Variants in PEX14 observed in about 807,000 individuals in gnomAD.
PEX14 encodes peroxisomal biogenesis factor 14.
Under a neutral mutation model 49.5 loss-of-function variants are expected in PEX14, and 15 were observed. The observed-to-expected ratio is 0.30, with a 90% CI of 0.20 to 0.47. The LOEUF is 0.47. Among genes scored for constraint, PEX14 ranks in the 20% least tolerant of loss-of-function variants. PEX14 has a pLI of 1.00. For synonymous variants in PEX14, 210 were observed against 212.7 expected, an observed-to-expected ratio of 0.99 and a Z score of 0.11; for missense variants, 398 against 494.8, an observed-to-expected ratio of 0.80 and a Z score of 1.86.
intron 4 of PEX14, among the ~76,000 whole-genome samples, chr1:10,616,627 G>T (rs995336451): frequency 2.0e-5 from 3 of 152,134 alleles, no homozygotes; most frequent in African/African-American, 7.2e-5. Context: ...CAGAGCACCC[G>T]CCACGTGGCC....
chr1:10,475,313 T>C (rs571913463), intron 1 of PEX14, among the ~76,000 whole-genome samples: 1 of 152,154 alleles, frequency 6.6e-6, no homozygotes, highest in African/African-American at 2.4e-5. Flanking sequence ...CCTTGGGAAG[T>C]CCCCAGCCTT....
intron 3 of PEX14, among the ~76,000 whole-genome samples, chr1:10,551,151 A>C (rs1174448000): frequency 6.6e-6 from 1 of 152,204 alleles, no homozygotes; most frequent in Admixed American, 6.5e-5. Context: ...TCTTGCAGCA[A>C]ATACATGGGT....
At chr1:10,615,702 G>A (rs943481392) in intron 4 of PEX14, among the ~76,000 whole-genome samples, 4 of 152,236 alleles carry the variant, frequency 2.6e-5, no homozygotes, top group Non-Finnish European at 5.9e-5. Flanking sequence ...GTTGTTGATG[G>A]CAGCGTGGTG....
intron 5 of PEX14, among the ~76,000 whole-genome samples, chr1:10,619,134 A>G (rs745567506): frequency 6.6e-6 from 1 of 152,024 alleles, no homozygotes; most frequent in African/African-American, 2.4e-5. Context: ...ATTGCTTGCA[A>G]CAGAACTGCA....
intron 2 of PEX14, among the ~76,000 whole-genome samples, chr1:10,527,569 A>G (rs1638526027): frequency 6.6e-6 from 1 of 151,578 alleles, no homozygotes. Flanking sequence ...ATTCTAGGCT[A>G]TGAGTAGTTC....
intron 2 of PEX14, among the ~76,000 whole-genome samples, chr1:10,531,567 C>T (rs779277007): frequency 5.9e-5 from 9 of 152,050 alleles, no homozygotes; most frequent in Non-Finnish European, 1.2e-4. Context: ...AATGGGGTTT[C>T]GGGCCCGTAG....
At chr1:10,505,441 C>T (rs1037820616) in intron 2 of PEX14, among the ~76,000 whole-genome samples, 4 of 152,174 alleles carry the variant, frequency 2.6e-5, no homozygotes, top group Non-Finnish European at 4.4e-5. Flanking sequence ...CGAGACCTGT[C>T]TCAAAAACAA....
chr1:10,478,446 C>T (rs1039236325), intron 1 of PEX14, among the ~76,000 whole-genome samples: 2 of 152,174 alleles, frequency 1.3e-5, no homozygotes, highest in South Asian at 4.1e-4. Flanking sequence ...TTCTAGCTGT[C>T]CTTCATGACT....
intron 4 of PEX14, among the ~76,000 whole-genome samples, chr1:10,604,310 T>A (rs1342616848): frequency 1.3e-5 from 2 of 152,160 alleles, no homozygotes; most frequent in African/African-American, 4.8e-5. Context: ...AGCATATAGA[T>A]GTGAAACTGA....
At chr1:10,480,067 CAGATGTGA>C (rs1641256945) in intron 1 of PEX14, among the ~76,000 whole-genome samples, 1 of 152,098 alleles carries the variant, frequency 6.6e-6, no homozygotes, top group Admixed American at 6.6e-5. Context: ...ACTGAAATCA[CAGATGTGA>C]AGAGCACCTG....
chr1:10,540,275 A>G (rs1638962468), intron 3 of PEX14, among the ~76,000 whole-genome samples: 1 of 152,158 alleles, frequency 6.6e-6, no homozygotes, highest in Non-Finnish European at 1.5e-5. Context: ...TTCAAGGGGG[A>G]GTAAATTCTT....
intron 2 of PEX14, among the ~76,000 whole-genome samples, chr1:10,507,331 A>G (rs1405608784): frequency 7.9e-5 from 12 of 152,258 alleles, no homozygotes; most frequent in Non-Finnish European, 1.6e-4. Context: ...CGCCCGCTGC[A>G]CAAACGTATC....
intron 3 of PEX14, among the ~76,000 whole-genome samples, chr1:10,556,135 T>A (rs1639482418): frequency 6.6e-6 from 1 of 152,004 alleles, no homozygotes; most frequent in Non-Finnish European, 1.5e-5. Flanking sequence ...TTAGCAGGGC[T>A]CCTCCTCTGC....
At chr1:10,570,993 C>T (rs967366797) in intron 3 of PEX14, among the ~76,000 whole-genome samples, 1 of 149,498 alleles carries the variant, frequency 6.7e-6, no homozygotes, top group Non-Finnish European at 1.5e-5. Flanking sequence ...GAAGTACAGG[C>T]ACACGCCACC....
At chr1:10,578,014 C>G (rs759046253) in intron 3 of PEX14, among the ~76,000 whole-genome samples, 1 of 151,862 alleles carries the variant, frequency 6.6e-6, no homozygotes, top group East Asian at 2.0e-4. Context: ...CCATCAGGTG[C>G]TAGCAAATAG....
chr1:10,560,636 G>A (rs1256153764), intron 3 of PEX14, among the ~76,000 whole-genome samples: 1 of 151,174 alleles, frequency 6.6e-6, no homozygotes, highest in East Asian at 1.9e-4. Context: ...CTCCCAAAGT[G>A]TTGGGATCAC....
At chr1:10,625,982 C>T (rs1334878292) in intron 7 of PEX14, among the ~76,000 whole-genome samples, 1 of 152,168 alleles carries the variant, frequency 6.6e-6, no homozygotes, top group Non-Finnish European at 1.5e-5. Context: ...CTTTGGTTAC[C>T]CCATAAACCA....
At chr1:10,480,340 C>T (rs1223145410) in intron 1 of PEX14, among the ~76,000 whole-genome samples, 4 of 150,958 alleles carry the variant, frequency 2.6e-5, no homozygotes, top group African/African-American at 9.7e-5. Flanking sequence ...CTGCCTCAGC[C>T]TCCTGAGTAG....
At chr1:10,615,913 C>T (rs1013723201) in intron 4 of PEX14, among the ~76,000 whole-genome samples, 1 of 152,204 alleles carries the variant, frequency 6.6e-6, no homozygotes, top group Non-Finnish European at 1.5e-5. Flanking sequence ...GGTGGGGAAG[C>T]CTTTTTTCAC....
Sources: allele counts gnomAD v4.1 joint callset (sites outside exome capture counted in the v4.1 genomes callset), GRCh38; gene constraint gnomAD v4.1.1; transcripts MANE v1.5; gene names NCBI Gene and HGNC (gene_info 2026-07-23, HGNC 2026-07-21).